ORC3: variants seen among roughly 807,000 people sequenced by gnomAD.
ORC3 encodes origin recognition complex subunit 3.
In ORC3, 78 loss-of-function variants were observed where a neutral mutation model predicts 100.7. The observed-to-expected ratio is 0.77, with a 90% CI of 0.65 to 0.94. The LOEUF (loss-of-function observed/expected upper bound fraction) is 0.94. Ranked by LOEUF, ORC3 falls within the 40% of genes least tolerant of loss-of-function variation. The pLI is 0.00. For missense variants in ORC3, 789 were observed against 823.9 expected, an observed-to-expected ratio of 0.96 and a Z score of 0.52; for synonymous variants, 295 against 289.3, an observed-to-expected ratio of 1.02 and a Z score of -0.20.
chr6:87,670,007 T>C (rs1224489307), downstream of ORC3, among the ~76,000 whole-genome samples: 1 of 152,172 alleles, frequency 6.6e-6, no homozygotes, highest in Non-Finnish European at 1.5e-5. Context: ...GACCAGCAGA[T>C]TCATATATAA....
At position 87,609,163 on chromosome 6, in the gene ORC3, T is replaced by A. The variant is rs774478846; in HGVS notation, c.647T>A (p.Val216Asp). 3.5e-5 allele frequency: 57 copies of A among 1,610,746 alleles called. No homozygotes were observed. The highest frequency in any genetic ancestry group is 4.7e-5 in the Non-Finnish European group (55 of 1,179,018). ...AGCCAATGGCAGTCTCCTCCTGTTG[T>A]CGTTATCTTGAAGGATATGGAAAGC... Reference protein sequence around the residue: ...TSSQWQSPPVVVILKDMESFA... With the variant: ...TSSQWQSPPVDVILKDMESFA... Residue 216 changes from valine to aspartate, a missense_variant, in exon 7 of 20, where the codon GTC becomes GAC. By Grantham distance (152) the Val-to-Asp change is radical (BLOSUM62 -3). Coordinates refer to ENST00000392844, the MANE Select transcript of ORC3 (RefSeq NM_012381.4).
chr6:87,611,697 G>A (rs1309522981), intron 7 of ORC3, among the ~76,000 whole-genome samples: 1 of 151,682 alleles, frequency 6.6e-6, no homozygotes, highest in South Asian at 2.1e-4. Context: ...CAGGAGAATC[G>A]CTTGAACCCA....
chr6:87,611,217 A>G (rs1778742931), intron 7 of ORC3, among the ~76,000 whole-genome samples: 2 of 152,130 alleles, frequency 1.3e-5, no homozygotes, highest in Middle Eastern at 6.8e-3. Flanking sequence ...GATTACAGAC[A>G]TGAACCATCG....
chr6:87,670,803 A>G (rs1332058655), downstream of ORC3, among the ~76,000 whole-genome samples: 3 of 152,250 alleles, frequency 2.0e-5, no homozygotes, highest in Non-Finnish European at 4.4e-5. Context: ...CGTTTAGCAC[A>G]GGAAGTAAAA....
intron 1 of ORC3, among the ~76,000 whole-genome samples, chr6:87,591,200 G>A (rs967527669): frequency 2.0e-5 from 3 of 152,186 alleles, no homozygotes; most frequent in Non-Finnish European, 2.9e-5. Flanking sequence ...GTTGGACAGC[G>A]CTGTTCTGGA....
At chr6:87,649,164 A>G (rs1348637161) in intron 13 of ORC3, among the ~76,000 whole-genome samples, 4 of 152,142 alleles carry the variant, frequency 2.6e-5, no homozygotes, top group Non-Finnish European at 5.9e-5. Context: ...ATAAGGTGAG[A>G]TAGTGACCTG....
chr6:87,611,894 G>C (rs1403495745), intron 7 of ORC3, among the ~76,000 whole-genome samples, 195 bp from the exon 8 acceptor site: 2 of 152,130 alleles, frequency 1.3e-5, no homozygotes, highest in African/African-American at 4.8e-5. Context: ...AAGCTAGACT[G>C]TCTGGAAAGT....
intron 13 of ORC3, 116 bp from the exon 14 acceptor site, chr6:87,653,000 T>G (rs1408920097): frequency 1.3e-6 from 1 of 770,634 alleles, no homozygotes; most frequent in African/African-American, 1.7e-5. Context: ...TAGCTACTAA[T>G]GAAGAATTTC....
At chr6:87,590,219 G>T (rs1776665493) in intron 1 of ORC3, 27 bp downstream of exon 1, 1 of 1,610,624 alleles carries the variant, frequency 6.2e-7, no homozygotes, top group African/African-American at 1.3e-5. Context: ...GCGCACTGTG[G>T]CTCTACCGCT....
chr6:87,655,408 C>T (rs1305314999), intron 14 of ORC3, among the ~76,000 whole-genome samples: 2 of 148,680 alleles, frequency 1.3e-5, no homozygotes, highest in South Asian at 2.1e-4. Flanking sequence ...GGCTGGAGTG[C>T]AGTAGCATGA....
In ORC3 at chr6:87,618,704, A is replaced by G. The variant is rs115746727; in HGVS notation, c.987+2277A>G. Among the ~76,000 whole-genome samples the G allele has an allele frequency of 9.1e-3, 1,385 of 152,230 alleles. 21 individuals are homozygous for G. The highest frequency in any genetic ancestry group is 0.031 in the African/African-American group (1,290 of 41,542). On this transcript the variant is annotated intron_variant, in intron 9 of 19. Transcript: ENST00000392844. ...GGTAATGGTAGTGGAACTGGAGAGGAGGAAACAAATTTGAGGATGAGATCG... is the reference window on the plus strand; with the variant it reads ...GGTAATGGTAGTGGAACTGGAGAGGGGGAAACAAATTTGAGGATGAGATCG...
rs1303497438 is a variant in ORC3, at chr6:87,590,300, G to T, written c.24+108G>T. On this transcript the variant is annotated intron_variant, in intron 1 of 19. Transcript: ENST00000392844. ...CATCCCTTCCCTGGCTGGAGAGGAG[G>T]GAGGGAGCGGCGTACTGAGCTGAGG... is the stretch of plus-strand genomic sequence containing the variant. 3.3e-6 allele frequency: 4 copies of T among 1,208,102 alleles called. No homozygotes were observed. The East Asian group carries it at 9.3e-5, about 28-fold the overall frequency. The allele number at this position is 1,208,102 out of a possible 1,614,324, so 74.8% of individuals were successfully genotyped here.
intron 11 of ORC3, among the ~76,000 whole-genome samples, chr6:87,625,468 A>C (rs1456413915): frequency 6.6e-6 from 1 of 152,074 alleles, no homozygotes; most frequent in East Asian, 1.9e-4. Flanking sequence ...ATTTTTTCAT[A>C]TGTCTGTTGG....
At chr6:87,672,122 G>A (rs1399113742), downstream of ORC3, among the ~76,000 whole-genome samples, 1 of 152,112 alleles carries the variant, frequency 6.6e-6, no homozygotes, top group Non-Finnish European at 1.5e-5. Flanking sequence ...GGAAAAATCT[G>A]AAATAAGGAC....
intron 17 of ORC3, 145 bp downstream of exon 17, chr6:87,663,289 T>C: frequency 1.7e-6 from 1 of 594,132 alleles, no homozygotes; most frequent in Non-Finnish European, 2.8e-6. Flanking sequence ...TTAAAAATTC[T>C]TTAGACTGTA....
Position 87,657,380 on chromosome 6 carries a change from T to C in ORC3, c.1593+398T>C, listed in dbSNP as rs28381522. ...AGTTACTTTCCTTGATTTTTTAAAA[T>C]GCATATTCAAGTATAGAGCAGAAAT... is the stretch of plus-strand genomic sequence containing the variant. On this transcript the variant is annotated intron_variant, in intron 15 of 19. Transcript: ENST00000392844. 3.7e-3 allele frequency among the ~76,000 whole-genome samples: 562 copies of C among 152,362 alleles called. 5 individuals are homozygous for C. Among genetic ancestry groups the C allele is most frequent in the African/African-American group, 0.013 (528 of 41,604 alleles).
chr6:87,596,428 C>T (rs1163586441), intron 2 of ORC3, among the ~76,000 whole-genome samples: 1 of 148,278 alleles, frequency 6.7e-6, no homozygotes, highest in African/African-American at 2.5e-5. Flanking sequence ...TCACTGTGCT[C>T]GGCTGTTTGT....
intron 4 of ORC3, among the ~76,000 whole-genome samples, chr6:87,604,272 C>G (rs1778176445): frequency 6.6e-6 from 1 of 152,168 alleles, no homozygotes; most frequent in African/African-American, 2.4e-5. Flanking sequence ...GGAATTAATT[C>G]TCAACCTCAA....
chr6:87,636,331 G>T, intron 12 of ORC3, 76 bp from the exon 13 acceptor site: 2 of 804,102 alleles, frequency 2.5e-6, no homozygotes, highest in Non-Finnish European at 4.2e-6. Context: ...TTTTTGTGTT[G>T]ACCAGAAATG....
Sources: allele counts gnomAD v4.1 joint callset (sites outside exome capture counted in the v4.1 genomes callset), GRCh38; gene constraint gnomAD v4.1.1; transcripts MANE v1.5; gene names NCBI Gene and HGNC (gene_info 2026-07-23, HGNC 2026-07-21).